Variants in CDH4 observed in about 807,000 individuals in gnomAD.
The protein encoded by CDH4 is cadherin-4.
In CDH4, 33 loss-of-function variants were observed where a neutral mutation model predicts 86.0. The observed-to-expected ratio is 0.38, with a 90% CI of 0.29 to 0.51. The LOEUF is 0.51. Among genes scored for constraint, CDH4 ranks in the 20% least tolerant of loss-of-function variants. The pLI, the probability that CDH4 is intolerant of heterozygous loss-of-function variation, is 0.86. For missense variants in CDH4, 1,114 were observed against 1,307.4 expected (o/e 0.85, Z 2.28); for synonymous variants, 555 against 549.4 (o/e 1.01, Z -0.14).
chr20:61,920,817 C>T (rs1051476174), intron 9 of CDH4, among the ~76,000 whole-genome samples: 5 of 113,260 alleles, frequency 4.4e-5, no homozygotes, highest in African/African-American at 1.4e-4. Flanking sequence ...AGCGTGGTGT[C>T]GTGATTGCAT....
At chr20:61,292,697 C>T (rs998261551) in intron 2 of CDH4, among the ~76,000 whole-genome samples, 3 of 152,374 alleles carry the variant, frequency 2.0e-5, no homozygotes, top group Non-Finnish European at 2.9e-5. Context: ...AGCGCACTCA[C>T]GCCCTTATGC....
chr20:61,313,807 G>A (rs2084461502), intron 2 of CDH4, among the ~76,000 whole-genome samples: 2 of 152,192 alleles, frequency 1.3e-5, no homozygotes, highest in South Asian at 2.1e-4. Flanking sequence ...TGCAATCATA[G>A]CCCACTACAG....
At chr20:61,413,680 T>C (rs1379941031) in intron 2 of CDH4, among the ~76,000 whole-genome samples, 2 of 152,152 alleles carry the variant, frequency 1.3e-5, no homozygotes, top group African/African-American at 2.4e-5. Flanking sequence ...TAGTAGATGC[T>C]CAGATATTCA....
intron 2 of CDH4, among the ~76,000 whole-genome samples, chr20:61,454,821 T>G (rs935005388): frequency 6.6e-6 from 1 of 152,182 alleles, no homozygotes; most frequent in Non-Finnish European, 1.5e-5. Flanking sequence ...CGCAGGAGCC[T>G]GTACCTGGTG....
At position 61,708,562 on chromosome 20, in the gene CDH4, C is replaced by G. The variant is rs1312837566; in HGVS notation, c.170-35001C>G. Among the ~76,000 whole-genome samples, 1 of 152,104 alleles carries G rather than the reference C, an allele frequency of 6.6e-6. No homozygotes were observed. The highest frequency in any genetic ancestry group is 1.5e-5 in the Non-Finnish European group (1 of 68,008). On this transcript the variant is annotated intron_variant, in intron 2 of 15. Coordinates refer to ENST00000614565, the MANE Select transcript of CDH4 (RefSeq NM_001794.5). This position sits in a 1 kb window ranked among gnomAD's most constrained non-coding sequence, Gnocchi z 4.5. ...CCGGTGGCTGCAGGCTCTTTGCCCC[C>G]CACTTCCCCAGCCCTGCTCCCTCCA...
intron 7 of CDH4, among the ~76,000 whole-genome samples, chr20:61,883,021 C>CT: frequency 6.6e-6 from 1 of 152,310 alleles, no homozygotes; most frequent in South Asian, 2.1e-4. Flanking sequence ...AATCTGAGCT[C>CT]TTGTCTTTTC....
rs2087509995 is a variant in CDH4 at position 61,681,268 on chromosome 20, G to A, written c.170-62295G>A. Among the ~76,000 whole-genome samples, 1 of 152,110 alleles carries A rather than the reference G, an allele frequency of 6.6e-6. No individual in the cohort carries two copies. The highest frequency in any genetic ancestry group is 2.4e-5 in the African/African-American group (1 of 41,412). ...CCTACAAATTGTATACAGTGCTTTA[G>A]GACTAAGTAGCTTTTTGCAAGGCTT... On this transcript the variant is annotated intron_variant, in intron 2 of 15. Coordinates refer to ENST00000614565, the MANE Select transcript of CDH4 (RefSeq NM_001794.5). The surrounding 1 kb of genome is among the most constrained non-coding windows in gnomAD (Gnocchi z 4.5).
intron 2 of CDH4, among the ~76,000 whole-genome samples, chr20:61,683,468 G>A (rs1331221389): frequency 6.6e-6 from 1 of 152,178 alleles, no homozygotes; most frequent in African/African-American, 2.4e-5. Context: ...CGCGAGTCGT[G>A]GAGGCCCGTG....
intron 2 of CDH4, among the ~76,000 whole-genome samples, chr20:61,631,905 C>G (rs750774652): frequency 6.6e-6 from 1 of 152,230 alleles, no homozygotes; most frequent in Non-Finnish European, 1.5e-5. Flanking sequence ...GACCACAAGA[C>G]GGCGCCTCCC....
chr20:61,814,220 G>T (rs1013442326), intron 4 of CDH4, among the ~76,000 whole-genome samples: 58 of 152,164 alleles, frequency 3.8e-4, no homozygotes, highest in African/African-American at 1.4e-3. Context: ...TGCCCCTAAG[G>T]CCACCCCAGG....
intron 2 of CDH4, among the ~76,000 whole-genome samples, chr20:61,509,962 C>T (rs2085767971): frequency 6.6e-6 from 1 of 152,076 alleles, no homozygotes; most frequent in Non-Finnish European, 1.5e-5. Context: ...GGGATTTTTC[C>T]ATATGGCGAA....
At chr20:61,473,403 G>A (rs1035879202) in intron 2 of CDH4, among the ~76,000 whole-genome samples, 5 of 152,132 alleles carry the variant, frequency 3.3e-5, no homozygotes, top group African/African-American at 1.2e-4. Context: ...TCAGTTGGCT[G>A]TACCCCACCT....
Position 61,618,239 on chromosome 20 carries a change from C to A in CDH4, c.170-125324C>A, listed in dbSNP as rs1332228647. 8.6e-5 allele frequency among the ~76,000 whole-genome samples: 13 copies of A among 152,002 alleles called. 1 individual carries two copies. The highest frequency in any genetic ancestry group is 5.9e-5 in the Non-Finnish European group (4 of 68,024). The stretch of plus-strand genomic sequence containing the variant: ...TGTTTTCCGGAGCCAGTTTCCGCTG[C>A]CTCCTCAGGAAAGCATCCTGGGTAA... On this transcript the variant is annotated intron_variant, in intron 2 of 15. Transcript: ENST00000614565.
intron 2 of CDH4, among the ~76,000 whole-genome samples, chr20:61,444,054 GGTTGTC>G (rs755065856): frequency 0.53 from 79,552 of 149,374 alleles, 21,183 homozygotes; most frequent in Admixed American, 0.58. Flanking sequence ...GGATATCTCT[GGTTGTC>G]TGTGTGTGTG....
intron 2 of CDH4, among the ~76,000 whole-genome samples, chr20:61,621,251 C>T (rs2086774804): frequency 6.6e-6 from 1 of 152,206 alleles, no homozygotes; most frequent in African/African-American, 2.4e-5. Flanking sequence ...TGGCTATTTG[C>T]TTCTGTACTG....
At chr20:61,316,366 C>T (rs986761438) in intron 2 of CDH4, among the ~76,000 whole-genome samples, 2 of 152,200 alleles carry the variant, frequency 1.3e-5, no homozygotes, top group South Asian at 2.1e-4. Flanking sequence ...TGACCTAAGT[C>T]GATAAGTTGA....
intron 2 of CDH4, among the ~76,000 whole-genome samples, chr20:61,479,796 C>T (rs1319215931): frequency 6.6e-6 from 1 of 152,196 alleles, no homozygotes; most frequent in Admixed American, 6.5e-5. Flanking sequence ...TGTCACTCTG[C>T]CCCCACCTCC....
chr20:61,658,153 G>C (rs981398673), intron 2 of CDH4, among the ~76,000 whole-genome samples: 4 of 152,054 alleles, frequency 2.6e-5, no homozygotes, highest in African/African-American at 7.3e-5. Flanking sequence ...GGCTGCTCTC[G>C]CTTCCAGATC....
Position 61,929,159 on chromosome 20 carries a change from C to CTTT in CDH4, c.2006-441_2006-439dup, listed in dbSNP as rs11474756. Among the ~76,000 whole-genome samples, 352 of 148,536 alleles carry CTTT rather than the reference C, an allele frequency of 2.4e-3. 2 individuals are homozygous for CTTT. The highest frequency in any genetic ancestry group is 0.014 in the East Asian group (70 of 5,090). On this transcript the variant is annotated intron_variant, in intron 12 of 15. Transcript: ENST00000614565. ...TGCTTTTTGGTTGTGTCTCCAATGTCTTTTTTTTTTTGAGACTGTTGCCCA... is the reference window on the plus strand; with the variant it reads ...TGCTTTTTGGTTGTGTCTCCAATGTCTTTTTTTTTTTTTTGAGACTGTTGCCCA...
Sources: gnomAD v4.1 joint callset for allele counts (sites outside exome capture counted in the v4.1 genomes callset) on GRCh38, gnomAD v4.1.1 for gene constraint, Gnocchi (gnomAD v3.1) non-coding constraint, MANE v1.5 for transcripts, NCBI Gene and HGNC (gene_info 2026-07-23, HGNC 2026-07-21) for gene names.